Variants in NRXN1 observed in about 807,000 individuals in gnomAD.
NRXN1 encodes the protein neurexin 1.
In NRXN1, 39 loss-of-function variants were observed where a neutral mutation model predicts 150.9. That is an observed-to-expected ratio of 0.26 (90% CI 0.20 to 0.34). The LOEUF (loss-of-function observed/expected upper bound fraction) is 0.34, where lower values mean the gene tolerates loss of function less well. NRXN1 is among the 10% of genes least tolerant of loss of function. NRXN1 has a pLI of 1.00. For missense variants in NRXN1, 1,815 were observed against 1,949.9 expected, an observed-to-expected ratio of 0.93 and a Z score of 1.30; for synonymous variants, 924 against 757.0, an observed-to-expected ratio of 1.22 and a Z score of -3.62.
intron 5 of NRXN1, among the ~76,000 whole-genome samples, chr2:50,868,215 C>T (rs1677249230): frequency 7.5e-6 from 1 of 133,552 alleles, no homozygotes; most frequent in South Asian, 2.4e-4. Flanking sequence ...GAATACTATG[C>T]AGCCATAAAA....
At chr2:51,023,358 C>A (rs1669924054) in intron 2 of NRXN1, among the ~76,000 whole-genome samples, 1 of 152,184 alleles carries the variant, frequency 6.6e-6, no homozygotes, top group African/African-American at 2.4e-5. Context: ...CACTGCCTGA[C>A]CCCACTCCTC....
At chr2:50,164,646 T>C (rs1045832855) in intron 18 of NRXN1, among the ~76,000 whole-genome samples, 3 of 152,108 alleles carry the variant, frequency 2.0e-5, no homozygotes, top group African/African-American at 4.8e-5. Context: ...TTCTAAAGAA[T>C]ATGGGGCCAG....
intron 5 of NRXN1, among the ~76,000 whole-genome samples, chr2:50,720,699 C>G (rs1696527499): frequency 6.6e-6 from 1 of 152,216 alleles, no homozygotes; most frequent in African/African-American, 2.4e-5. Flanking sequence ...CAAAGACACT[C>G]AAGCACTTCA....
At chr2:50,047,757 T>G (rs1304373436) in intron 21 of NRXN1, among the ~76,000 whole-genome samples, 1 of 151,978 alleles carries the variant, frequency 6.6e-6, no homozygotes, top group African/African-American at 2.4e-5. Flanking sequence ...ACACTATTCG[T>G]TTTCTTGTCT....
chr2:50,270,702 A>T (rs573021949), intron 17 of NRXN1, among the ~76,000 whole-genome samples: 8 of 147,150 alleles, frequency 5.4e-5, no homozygotes, highest in Non-Finnish European at 1.0e-4. Flanking sequence ...ACAGAGTCTC[A>T]TTTGTTGCCC....
intron 4 of NRXN1, 110 bp downstream of exon 4, chr2:50,922,548 G>A (rs752082839): frequency 1.7e-5 from 16 of 937,518 alleles, no homozygotes; most frequent in Non-Finnish European, 2.7e-5. Flanking sequence ...TATTTAATTT[G>A]CAGCCATATA....
chr2:50,810,315 C>T (rs1047376084), intron 5 of NRXN1, among the ~76,000 whole-genome samples: 7 of 152,176 alleles, frequency 4.6e-5, no homozygotes, highest in Non-Finnish European at 7.3e-5. Context: ...CTTTCAAAAT[C>T]TGTTTTCATA....
intron 17 of NRXN1, among the ~76,000 whole-genome samples, chr2:50,257,485 C>T (rs553889582): frequency 6.6e-6 from 1 of 152,166 alleles, no homozygotes; most frequent in South Asian, 2.1e-4. Flanking sequence ...AGATTTAAAT[C>T]TTCTCCCAGC....
intron 21 of NRXN1, among the ~76,000 whole-genome samples, chr2:50,028,475 G>T (rs546769567): frequency 2.4e-4 from 36 of 152,146 alleles, no homozygotes; most frequent in African/African-American, 8.2e-4. Flanking sequence ...ACTCCCTATA[G>T]AGAGAAAATC....
chr2:50,369,340 T>G (rs1475235635), intron 17 of NRXN1, among the ~76,000 whole-genome samples: 1 of 152,034 alleles, frequency 6.6e-6, no homozygotes, highest in Non-Finnish European at 1.5e-5. Context: ...TAACACTGTA[T>G]CTACCAAACT....
chr2:50,386,685 T>C (rs2081350843), intron 17 of NRXN1, among the ~76,000 whole-genome samples: 1 of 152,078 alleles, frequency 6.6e-6, no homozygotes, highest in South Asian at 2.1e-4. Context: ...CAAGTTGCAA[T>C]GGAAATGGGA....
At chr2:50,511,336 C>T (rs1300401781) in intron 12 of NRXN1, among the ~76,000 whole-genome samples, 1 of 152,238 alleles carries the variant, frequency 6.6e-6, no homozygotes, top group Non-Finnish European at 1.5e-5. Context: ...ATTACAGGTG[C>T]GGACCACAGT....
intron 18 of NRXN1, among the ~76,000 whole-genome samples, chr2:50,097,711 C>G (rs544969892): frequency 1.3e-5 from 2 of 151,890 alleles, no homozygotes; most frequent in African/African-American, 2.4e-5. Flanking sequence ...ACGATCTCAG[C>G]TCTCTGCAAC....
At chr2:50,133,086 G>T (rs1020692127) in intron 18 of NRXN1, among the ~76,000 whole-genome samples, 28 of 152,162 alleles carry the variant, frequency 1.8e-4, no homozygotes, top group African/African-American at 5.6e-4. Flanking sequence ...AAAAGTGTAG[G>T]TGCTATTCTA....
At chr2:51,017,377 T>G (rs985375991) in intron 2 of NRXN1, among the ~76,000 whole-genome samples, 1 of 151,124 alleles carries the variant, frequency 6.6e-6, no homozygotes, top group African/African-American at 2.4e-5. Context: ...GCTCGGTTGC[T>G]CAGGCTGGAG....
intron 2 of NRXN1, among the ~76,000 whole-genome samples, chr2:50,961,519 C>T (rs1216087625): frequency 6.6e-6 from 1 of 151,560 alleles, no homozygotes; most frequent in East Asian, 1.9e-4. Flanking sequence ...ACAAAAAACC[C>T]AACCAGATGC....
At chr2:50,614,832 C>T (rs1345187173) in intron 8 of NRXN1, among the ~76,000 whole-genome samples, 1 of 147,552 alleles carries the variant, frequency 6.8e-6, no homozygotes, top group Admixed American at 6.7e-5. Context: ...CTTTCTAAAA[C>T]TTTCTCTGTT....
At chr2:50,985,463 T>G (rs1697543163) in intron 2 of NRXN1, 2 of 151,834 alleles carry the variant, frequency 1.3e-5, no homozygotes, top group Admixed American at 6.6e-5. Context: ...AAGCAGAAAA[T>G]TCTGAATCTA....
chr2:50,954,622 A>G (rs982380216), intron 2 of NRXN1, among the ~76,000 whole-genome samples: 10 of 152,228 alleles, frequency 6.6e-5, no homozygotes, highest in Non-Finnish European at 1.0e-4. Flanking sequence ...CAGTAGGCAC[A>G]GTTCAAAGAA....
Sources: allele counts gnomAD v4.1 joint callset (sites outside exome capture counted in the v4.1 genomes callset), GRCh38; gene constraint gnomAD v4.1.1; transcripts MANE v1.5; gene names NCBI Gene and HGNC (gene_info 2026-07-23, HGNC 2026-07-21).